ANKRD17: variants seen among roughly 807,000 people sequenced by gnomAD.
The protein encoded by ANKRD17 is ankyrin repeat domain 17.
Under a neutral mutation model 229.7 loss-of-function variants are expected in ANKRD17, and 19 were observed. That is an observed-to-expected ratio of 0.08 (90% CI 0.06 to 0.12). The LOEUF (loss-of-function observed/expected upper bound fraction) is 0.12. Ranked by LOEUF, ANKRD17 falls within the 10% of genes least tolerant of loss-of-function variation. The pLI, the probability that ANKRD17 is intolerant of heterozygous loss-of-function variation, is 1.00. For missense variants in ANKRD17, 2,176 were observed against 3,176.8 expected (o/e 0.68, Z 7.57); for synonymous variants, 1,112 against 1,146.1 (o/e 0.97, Z 0.60).
chr4:73,103,952 G>A (rs1464538114), intron 24 of ANKRD17: 1 of 151,726 alleles, frequency 6.6e-6, no homozygotes, highest in African/African-American at 2.4e-5. Flanking sequence ...TTCTTGAAAA[G>A]TTTGGCCCAC....
intron 1 of ANKRD17, among the ~76,000 whole-genome samples, chr4:73,214,348 A>T (rs1578417474): frequency 6.6e-6 from 1 of 152,316 alleles, no homozygotes; most frequent in East Asian, 1.9e-4. Context: ...TCCCTTAATG[A>T]GTGTAAACTT....
chr4:73,153,005 C>T (rs1731201009), intron 6 of ANKRD17, among the ~76,000 whole-genome samples: 1 of 152,058 alleles, frequency 6.6e-6, no homozygotes, highest in Non-Finnish European at 1.5e-5. Context: ...TTCCAAAAGG[C>T]ATCATACAAC....
intron 24 of ANKRD17, among the ~76,000 whole-genome samples, chr4:73,111,194 T>G (rs545757458): frequency 1.3e-5 from 2 of 152,300 alleles, no homozygotes; most frequent in African/African-American, 4.8e-5. Flanking sequence ...AAATTTAATT[T>G]ATAAATTAGG....
intron 2 of ANKRD17, among the ~76,000 whole-genome samples, chr4:73,167,061 T>A (rs1305718179): frequency 6.6e-6 from 1 of 152,168 alleles, no homozygotes; most frequent in Non-Finnish European, 1.5e-5. Context: ...TACTAAAATA[T>A]TTATATATAT....
intron 17 of ANKRD17, 46 bp from the exon 18 acceptor site, chr4:73,125,104 A>C: frequency 6.2e-7 from 1 of 1,606,760 alleles, no homozygotes; most frequent in Middle Eastern, 1.7e-4. Flanking sequence ...AGGCAAAAGA[A>C]CAAAATATCT....
chr4:73,235,789 T>C (rs1743447111), intron 1 of ANKRD17, among the ~76,000 whole-genome samples: 1 of 152,124 alleles, frequency 6.6e-6, no homozygotes, highest in Non-Finnish European at 1.5e-5. Flanking sequence ...ACTAGTTTTC[T>C]TCTAAGTCAG....
intron 1 of ANKRD17, among the ~76,000 whole-genome samples, chr4:73,186,332 GA>G (rs757203619): frequency 2.2e-4 from 34 of 151,854 alleles, no homozygotes; most frequent in Non-Finnish European, 3.8e-4. Context: ...AAAGTTGAAA[GA>G]AAATAAAAAC....
rs1316542716 is a variant in ANKRD17, at chr4:73,131,387, T to C, written c.3234+3730A>G. Among the ~76,000 whole-genome samples the C allele has an allele frequency of 6.6e-5, 10 of 152,262 alleles. No homozygotes were observed. In the East Asian group the frequency reaches 1.9e-3, roughly 29 times the overall value. On this transcript the variant is annotated intron_variant, in intron 16 of 33. Transcript: ENST00000358602. ...TGTTCAACTAAAGCAGTTAAAGGTC[T>C]GACCATTTTCCAGAATCATTAGCAT...
At position 73,078,457 on chromosome 4, in the gene ANKRD17, G is replaced by T. The variant is rs1372718438; in HGVS notation, c.7408+185C>A. Among the ~76,000 whole-genome samples the T allele has an allele frequency of 2.0e-5, 3 of 152,080 alleles. No individual in the cohort carries two copies. The East Asian group carries it at 5.8e-4, about 29-fold the overall frequency. On this transcript the variant is annotated intron_variant, in intron 31 of 33. Coordinates refer to ENST00000358602, the MANE Select transcript of ANKRD17 (RefSeq NM_032217.5). The stretch of plus-strand genomic sequence containing the variant: ...GGAGGCTGTGGCAGGAGAATCGCTT[G>T]AACCGGGGAGGTGGAGGTTGCAGTG...
chr4:73,218,769 C>CACTGAAGGT (rs1306169856), intron 1 of ANKRD17, among the ~76,000 whole-genome samples: 1 of 151,986 alleles, frequency 6.6e-6, no homozygotes, highest in African/African-American at 2.4e-5. Context: ...AAGTGCCTCA[C>CACTGAAGGT]ACTGAAGGTA....
chr4:73,256,747 A>G (rs1745488027), intron 1 of ANKRD17, among the ~76,000 whole-genome samples: 1 of 152,240 alleles, frequency 6.6e-6, no homozygotes, highest in Non-Finnish European at 1.5e-5. Context: ...TCCTTGTTTC[A>G]AATGCCGCCA....
intron 1 of ANKRD17, among the ~76,000 whole-genome samples, chr4:73,198,304 G>A (rs1203550208): frequency 6.6e-6 from 1 of 152,148 alleles, no homozygotes; most frequent in Admixed American, 6.5e-5. Context: ...TATATAATGA[G>A]ACTTTTAAAT....
Position 73,115,936 on chromosome 4 carries a change from G to A in ANKRD17, c.4189-20C>T, listed in dbSNP as rs1725884445. ...ATGACCCTAAAAAATAGATATCAAT[G>A]TCAGATTGAAAACAGACTCTAACAG... On this transcript the variant is annotated intron_variant, in intron 22 of 33. Coordinates refer to ENST00000358602, the MANE Select transcript of ANKRD17 (RefSeq NM_032217.5). 6.2e-7 allele frequency: 1 copy of A among 1,601,160 alleles called. No individual in the cohort carries two copies. Among genetic ancestry groups the A allele is most frequent in the Non-Finnish European group, 8.6e-7 (1 of 1,169,236 alleles).
chr4:73,236,314 C>T (rs1489996613), intron 1 of ANKRD17, among the ~76,000 whole-genome samples: 1 of 152,126 alleles, frequency 6.6e-6, no homozygotes, highest in Non-Finnish European at 1.5e-5. Context: ...TGCCACCACA[C>T]CCACCTAATT....
At chr4:73,181,168 C>G (rs1461671952) in intron 1 of ANKRD17, among the ~76,000 whole-genome samples, 1 of 152,140 alleles carries the variant, frequency 6.6e-6, no homozygotes, top group Non-Finnish European at 1.5e-5. Context: ...AGAGGAGATA[C>G]AGAATCTTAC....
chr4:73,153,202 T>C (rs1185057582), intron 6 of ANKRD17, among the ~76,000 whole-genome samples: 1 of 152,122 alleles, frequency 6.6e-6, no homozygotes, highest in Non-Finnish European at 1.5e-5. Context: ...TCTTGATGCC[T>C]AGGGGTCAAG....
Position 73,186,885 on chromosome 4 carries a change from G to A in ANKRD17, c.394-9352C>T, listed in dbSNP as rs74350893. On this transcript the variant is annotated intron_variant, in intron 1 of 33. Transcript: ENST00000358602. ...CAATTATGAATTTAGCCTGCTCCAG[G>A]AATTATCATTTATCAATTATTGTAA... 4.4e-3 allele frequency among the ~76,000 whole-genome samples: 664 copies of A among 152,044 alleles called. 5 individuals are homozygous for A. The highest frequency in any genetic ancestry group is 0.015 in the African/African-American group (638 of 41,452).
At chr4:73,188,291 T>C (rs1371584801) in intron 1 of ANKRD17, among the ~76,000 whole-genome samples, 1 of 151,900 alleles carries the variant, frequency 6.6e-6, no homozygotes, top group Non-Finnish European at 1.5e-5. Flanking sequence ...TAGCGATCTT[T>C]AAAGAAAAAT....
chr4:73,096,876 T>C (rs1173259142), intron 27 of ANKRD17, among the ~76,000 whole-genome samples: 2 of 152,222 alleles, frequency 1.3e-5, no homozygotes, highest in Non-Finnish European at 2.9e-5. Context: ...ATAACGAAGC[T>C]GAGAAAGACA....
Sources: allele counts gnomAD v4.1 joint callset (sites outside exome capture counted in the v4.1 genomes callset), GRCh38; gene constraint gnomAD v4.1.1; transcripts MANE v1.5; gene names NCBI Gene and HGNC (gene_info 2026-07-23, HGNC 2026-07-21).